Variants in KMT2C observed in about 807,000 individuals in gnomAD.
The protein encoded by KMT2C is lysine methyltransferase 2C, also known as histone-lysine N-methyltransferase 2C.
KMT2C carries 88 observed loss-of-function variants against 507.9 expected under a neutral mutation model. That is an observed-to-expected ratio of 0.17 (90% CI 0.15 to 0.21). The LOEUF (loss-of-function observed/expected upper bound fraction) is 0.21, where lower values mean the gene tolerates loss of function less well. Ranked by LOEUF, KMT2C falls within the 10% of genes least tolerant of loss-of-function variation. The probability of loss-of-function intolerance (pLI) is 1.00; values close to 1 mark genes in which losing one functional copy is unlikely to be tolerated. For synonymous variants in KMT2C, 2,049 were observed against 2,080.8 expected, an observed-to-expected ratio of 0.98 and a Z score of 0.42; for missense variants, 4,954 against 5,957.8, an observed-to-expected ratio of 0.83 and a Z score of 5.55.
chr7:152,160,613 TTATATA>T (rs150199893), intron 43 of KMT2C, among the ~76,000 whole-genome samples: 1 of 147,452 alleles, frequency 6.8e-6, no homozygotes, highest in Admixed American at 6.8e-5. Flanking sequence ...TAAAAATTAA[TTATATA>T]TATATATTTA....
intron 7 of KMT2C, among the ~76,000 whole-genome samples, chr7:152,268,034 C>T (rs1455930379): frequency 6.6e-6 from 1 of 152,182 alleles, no homozygotes; most frequent in African/African-American, 2.4e-5. Context: ...AATCCCAGCA[C>T]TCTGGGAGGC....
chr7:152,202,896 T>C (rs2129135493), intron 26 of KMT2C, 38 bp downstream of exon 26: 1 of 1,472,514 alleles, frequency 6.8e-7, no homozygotes, highest in Non-Finnish European at 9.3e-7. Flanking sequence ...TTTCCTCAAT[T>C]AACAAACCAT....
chr7:152,247,329 G>T (rs2095487523), intron 14 of KMT2C, among the ~76,000 whole-genome samples: 1 of 151,994 alleles, frequency 6.6e-6, no homozygotes, highest in African/African-American at 2.4e-5. Context: ...TTTACTTACT[G>T]AAAATCAACA....
intron 7 of KMT2C, 115 bp from the exon 8 acceptor site, chr7:152,265,324 T>C: frequency 2.0e-6 from 3 of 1,478,904 alleles, no homozygotes; most frequent in Non-Finnish European, 2.8e-6. Flanking sequence ...CATTTGAAGT[T>C]ATTCACATTG....
intron 52 of KMT2C, among the ~76,000 whole-genome samples, chr7:152,147,342 A>C (rs1483709359): frequency 6.6e-6 from 1 of 152,108 alleles, no homozygotes; most frequent in Non-Finnish European, 1.5e-5. Context: ...CAATGTATAC[A>C]GTATGATTTA....
rs1398427911 is a variant in KMT2C, at chr7:152,297,250, G to C, written c.849+12716C>G. On this transcript the variant is annotated intron_variant, in intron 6 of 58. Transcript: ENST00000262189. ...AAGAGTTTCCAGGCCATGGCATAGA[G>C]AGTGGCAACTGAGGCAAATCTCAGC... 2.6e-4 allele frequency among the ~76,000 whole-genome samples: 40 copies of C among 152,120 alleles called. 1 individual carries two copies.
At chr7:152,160,254 G>A (rs1234074005) in intron 43 of KMT2C, among the ~76,000 whole-genome samples, 2 of 152,118 alleles carry the variant, frequency 1.3e-5, no homozygotes, top group Non-Finnish European at 2.9e-5. Context: ...CTCCAGGCTA[G>A]TTCTGTGGCT....
intron 2 of KMT2C, among the ~76,000 whole-genome samples, chr7:152,358,060 G>T (rs1163164625): frequency 6.6e-6 from 1 of 152,130 alleles, no homozygotes; most frequent in Non-Finnish European, 1.5e-5. Context: ...GAAAATTTTG[G>T]AAACTGCTTT....
chr7:152,232,147 G>A (rs2095137668), intron 16 of KMT2C, among the ~76,000 whole-genome samples: 1 of 152,124 alleles, frequency 6.6e-6, no homozygotes, highest in African/African-American at 2.4e-5. Flanking sequence ...CCAAAGTGCT[G>A]GGATTACAGG....
At position 152,435,769 on chromosome 7, in the gene KMT2C, GTCC is replaced by G. The variant is rs1371961877; in HGVS notation, c.15_17del (p.Glu5del). 3.4e-6 allele frequency: 5 copies of G among 1,455,780 alleles called. No individual in the cohort carries two copies. The highest frequency in any genetic ancestry group is 4.6e-6 in the Non-Finnish European group (5 of 1,097,526). 90.2% of individuals were successfully genotyped at this position (1,455,780 alleles called of 1,614,324 possible). On this transcript the variant is annotated inframe_deletion, in exon 1 of 59. Transcript: ENST00000262189. Reference sequence around the variant, plus strand: ...GCGGCTGCGGCTGCTCCACGCTCTTGTCCTCCTCCGACGACATCCTAGTCACCA... The same window carrying G: ...GCGGCTGCGGCTGCTCCACGCTCTTGTCCTCCGACGACATCCTAGTCACCA...
intron 16 of KMT2C, among the ~76,000 whole-genome samples, chr7:152,233,933 G>C (rs927101378): frequency 6.6e-6 from 1 of 152,154 alleles, no homozygotes; most frequent in Non-Finnish European, 1.5e-5. Context: ...CCAGGAGTTC[G>C]AGACCAGCCT....
At chr7:152,393,331 T>C (rs1473105569) in intron 1 of KMT2C, among the ~76,000 whole-genome samples, 2 of 152,224 alleles carry the variant, frequency 1.3e-5, no homozygotes, top group Non-Finnish European at 2.9e-5. Context: ...TAAAACCTCA[T>C]TTACAGCTCC....
rs142657994 is a variant in KMT2C, at chr7:152,146,699, A to C, written c.13931T>G (p.Val4644Gly). 3.6e-4 allele frequency: 575 copies of C among 1,614,068 alleles called. 1 individual carries two copies. The highest frequency in any genetic ancestry group is 3.6e-4 in the Non-Finnish European group (426 of 1,179,946). ...CTGGAGCATTTCAGACTTTTTTCTC[A>C]CACATGCCACAGGCTCCAAAATCTT... ...WDKILEPVAC[V>G]RKKSEMLQLF... The change falls in exon 53 of 59, where the codon GTG (valine) becomes GGG (glycine). Residue 4644 changes from valine (V) to glycine (G), a missense_variant. Physicochemically the swap from Val to Gly is moderately radical, Grantham distance 109. This residue lies in a region of KMT2C where 221 missense variants were observed against 304.7 expected (regional missense o/e 0.73). Coordinates refer to ENST00000262189, the MANE Select transcript of KMT2C (RefSeq NM_170606.3).
At chr7:152,298,487 A>G (rs4024475) in intron 6 of KMT2C, among the ~76,000 whole-genome samples, 1 of 152,216 alleles carries the variant, frequency 6.6e-6, no homozygotes, top group Non-Finnish European at 1.5e-5. Context: ...AGAAGACAGC[A>G]GTACATCTCT....
At position 152,179,819 on chromosome 7, in the gene KMT2C, A is replaced by C; in HGVS notation, c.7442+15T>G. 1.9e-6 allele frequency: 3 copies of C among 1,610,286 alleles called. No individual in the cohort carries two copies. The highest frequency in any genetic ancestry group is 2.5e-6 in the Non-Finnish European group (3 of 1,177,846). Reference sequence around the variant, plus strand: ...TAATAGCAATTTAAATTCGGCAGGAAATTAAAAGCATTACCTAAATCCATG... The same window carrying C: ...TAATAGCAATTTAAATTCGGCAGGACATTAAAAGCATTACCTAAATCCATG... On this transcript the variant is annotated intron_variant, in intron 37 of 58. Coordinates refer to ENST00000262189, the MANE Select transcript of KMT2C (RefSeq NM_170606.3).
chr7:152,315,114 A>G, intron 4 of KMT2C, 24 bp downstream of exon 4: 1 of 1,593,500 alleles, frequency 6.3e-7, no homozygotes, highest in Non-Finnish European at 8.6e-7. Context: ...ATCTATTCCA[A>G]CATTTAAAGT....
rs1006422977 is a variant in KMT2C at position 152,313,238 on chromosome 7, A to AG, written c.591-1293dup. Among the ~76,000 whole-genome samples the AG allele has an allele frequency of 4.0e-4, 61 of 152,124 alleles. No homozygotes were observed. The Middle Eastern group carries it at 0.01, about 25-fold the overall frequency. ...TACAAATCATTGTTATTTTATTGGGAGAAAAAAAAAAGACCAACAGTTCAT... is the reference window on the plus strand; with the variant it reads ...TACAAATCATTGTTATTTTATTGGGAGGAAAAAAAAAAGACCAACAGTTCAT... On this transcript the variant is annotated intron_variant, in intron 4 of 58. Transcript: ENST00000262189.
In KMT2C at chr7:152,162,571, G is replaced by T. The variant is rs2092512373; in HGVS notation, c.11006C>A (p.Pro3669His). ...ACATAGCTGGCCTGCTGCCATATTG[G>T]GAGTGGATGGGCCGACTGGTTCCAC... ...ESVEPVGPST[P>H]NMAAGQLCTE... The change falls in exon 43 of 59, where the codon CCC becomes CAC. Residue 3669 changes from proline to histidine, a missense_variant. By Grantham distance (77) the Pro-to-His change is moderately conservative (BLOSUM62 -2). Transcript: ENST00000262189. 6.2e-7 allele frequency: 1 copy of T among 1,614,188 alleles called. No homozygotes were observed. The highest frequency in any genetic ancestry group is 8.5e-7 in the Non-Finnish European group (1 of 1,180,052).
intron 1 of KMT2C, among the ~76,000 whole-genome samples, chr7:152,387,057 A>G (rs1202365949): frequency 2.6e-5 from 4 of 152,210 alleles, no homozygotes; most frequent in East Asian, 1.9e-4. Flanking sequence ...AGATATAAAT[A>G]GGAGCCCAAA....
Sources: gnomAD v4.1 joint callset for allele counts (sites outside exome capture counted in the v4.1 genomes callset) on GRCh38, gnomAD v4.1.1 for gene constraint, gnomAD v4.1.1 regional missense constraint, MANE v1.5 for transcripts, NCBI Gene and HGNC (gene_info 2026-07-23, HGNC 2026-07-21) for gene names.